Variants in LRIG1 observed in about 807,000 individuals in gnomAD.
LRIG1 encodes the protein leucine-rich repeats and immunoglobulin-like domains protein 1.
Under a neutral mutation model 99.2 loss-of-function variants are expected in LRIG1, and 48 were observed. The ratio of observed to expected loss-of-function variants is 0.48; its 90% CI spans 0.38 to 0.62. LRIG1 has a LOEUF of 0.62. Among genes scored for constraint, LRIG1 ranks in the 20% least tolerant of loss-of-function variants. LRIG1 has a pLI of 0.00. For synonymous variants in LRIG1, 772 were observed against 596.1 expected (o/e 1.29, Z -4.30); for missense variants, 1,646 against 1,434.4 (o/e 1.15, Z -2.38).
At chr3:66,393,436 G>C (rs990971693) in intron 12 of LRIG1, among the ~76,000 whole-genome samples, 1 of 152,230 alleles carries the variant, frequency 6.6e-6, no homozygotes, top group African/African-American at 2.4e-5. Flanking sequence ...TGTGTTTTCA[G>C]CTGTTCAGCA....
chr3:66,454,033 C>A (rs1703992042), intron 2 of LRIG1, among the ~76,000 whole-genome samples: 1 of 152,132 alleles, frequency 6.6e-6, no homozygotes, highest in African/African-American at 2.4e-5. Flanking sequence ...TTAACTGGGC[C>A]TTCTATGTCT....
intron 3 of LRIG1, among the ~76,000 whole-genome samples, chr3:66,446,403 C>CTT (rs1178928806): frequency 4.5e-4 from 58 of 129,144 alleles, no homozygotes; most frequent in African/African-American, 9.2e-4. Flanking sequence ...GCCCACCCGC[C>CTT]TTTTTTTTTT....
chr3:66,412,729 G>T, intron 6 of LRIG1, 142 bp downstream of exon 6: 1 of 919,790 alleles, frequency 1.1e-6, no homozygotes, highest in Non-Finnish European at 1.7e-6. Context: ...ACACCACACA[G>T]CAATGCTGGT....
intron 7 of LRIG1, among the ~76,000 whole-genome samples, chr3:66,408,706 G>A (rs974473223): frequency 5.3e-5 from 8 of 152,122 alleles, no homozygotes; most frequent in African/African-American, 1.9e-4. Context: ...AAAACCAGGA[G>A]TCCCCTGGTG....
chr3:66,477,886 TAGG>T (rs1368313957), intron 1 of LRIG1, among the ~76,000 whole-genome samples: 8 of 151,756 alleles, frequency 5.3e-5, no homozygotes, highest in Non-Finnish European at 1.2e-4. Flanking sequence ...TGCTGTAGGA[TAGG>T]AGGATTACCA....
At chr3:66,498,577 A>C (rs1220618689) in intron 1 of LRIG1, among the ~76,000 whole-genome samples, 5 of 152,174 alleles carry the variant, frequency 3.3e-5, no homozygotes, top group Admixed American at 6.5e-5. Context: ...AAAAAAAAAA[A>C]AAAACTACCG....
intron 11 of LRIG1, 144 bp from the exon 12 acceptor site, chr3:66,394,347 T>G: frequency 1.4e-6 from 1 of 716,052 alleles, no homozygotes; most frequent in South Asian, 2.0e-5. Context: ...TTTCTCACAC[T>G]TCCTCTCCAA....
Position 66,403,563 on chromosome 3 carries a change from G to A in LRIG1, c.1160+1635C>T, listed in dbSNP as rs562794968. Reference sequence around the variant, plus strand: ...CTTGGGCTGACCTCTTGGGGCTCAGGTGGAAGAGCTGAGCCTAGTCCAGCA... The same window carrying A: ...CTTGGGCTGACCTCTTGGGGCTCAGATGGAAGAGCTGAGCCTAGTCCAGCA... On this transcript the variant is annotated intron_variant, in intron 9 of 18. Coordinates refer to ENST00000273261, the MANE Select transcript of LRIG1 (RefSeq NM_015541.3). Among the ~76,000 whole-genome samples, 25 of 152,274 alleles carry A rather than the reference G, an allele frequency of 1.6e-4. No homozygotes were observed. In the South Asian group the frequency reaches 4.8e-3, roughly 29 times the overall value.
chr3:66,402,704 C>G (rs943552919), intron 9 of LRIG1, among the ~76,000 whole-genome samples: 7 of 152,158 alleles, frequency 4.6e-5, no homozygotes, highest in South Asian at 2.1e-4. Flanking sequence ...GCTGCACTCC[C>G]CACAGGACGG....
rs1700377301 is a variant in LRIG1, at chr3:66,462,490, G to A, written c.238C>T (p.Leu80Phe). 1.9e-6 allele frequency: 3 copies of A among 1,612,138 alleles called. No individual in the cohort carries two copies. Among genetic ancestry groups the A allele is most frequent in the Non-Finnish European group, 2.5e-6 (3 of 1,179,064 alleles). Reference sequence around the variant, plus strand: ...AAACCAGCAGGGTCAATCTCAGAGAGTTTGTTGTAACTCAGGTTTCTGGTA... The same window carrying A: ...AAACCAGCAGGGTCAATCTCAGAGAATTTGTTGTAACTCAGGTTTCTGGTA... ...TRSLNLSYNK[L>F]SEIDPAGFED... Residue 80 changes from leucine (L) to phenylalanine (F), a missense_variant, in exon 2 of 19, where the codon CTC becomes TTC. By Grantham distance (22) the Leu-to-Phe change is conservative (BLOSUM62 0). Transcript: ENST00000273261.
At chr3:66,440,725 T>G (rs1163766723) in intron 3 of LRIG1, among the ~76,000 whole-genome samples, 1 of 152,154 alleles carries the variant, frequency 6.6e-6, no homozygotes, top group Non-Finnish European at 1.5e-5. Flanking sequence ...TAACACTCAG[T>G]GCACGTTCAG....
At chr3:66,467,602 G>A (rs909319585) in intron 1 of LRIG1, among the ~76,000 whole-genome samples, 2 of 151,964 alleles carry the variant, frequency 1.3e-5, no homozygotes, top group Non-Finnish European at 2.9e-5. Context: ...ACCTCGTGAT[G>A]TGCCCGCCTC....
intron 1 of LRIG1, among the ~76,000 whole-genome samples, chr3:66,483,766 A>T (rs544616081): frequency 6.6e-6 from 1 of 152,374 alleles, no homozygotes; most frequent in South Asian, 2.1e-4. Flanking sequence ...GCAAAAGAGC[A>T]GATGAGAGAC....
chr3:66,432,357 T>C (rs570316621), intron 3 of LRIG1, among the ~76,000 whole-genome samples: 1 of 152,298 alleles, frequency 6.6e-6, no homozygotes, highest in Non-Finnish European at 1.5e-5. Flanking sequence ...GCCATGGATG[T>C]CCAGGGAGCT....
intron 1 of LRIG1, among the ~76,000 whole-genome samples, chr3:66,493,332 G>C (rs1701147811): frequency 6.6e-6 from 1 of 152,142 alleles, no homozygotes; most frequent in African/African-American, 2.4e-5. Context: ...CTTCCAAAAG[G>C]ATAGTGGTAA....
Position 66,415,074 on chromosome 3 carries a change from T to C in LRIG1, c.504-11A>G. The C allele has an allele frequency of 6.3e-7, 1 of 1,586,820 alleles. No homozygotes were observed. The highest frequency in any genetic ancestry group is 8.6e-7 in the Non-Finnish European group (1 of 1,168,408). ...TTGCCTGCCAGGTTGCTGGAATGAT[T>C]CAGAAAAGAAAATGTGGTGGTTGGT... On this transcript the variant is annotated splice_polypyrimidine_tract_variant and intron_variant, in intron 4 of 18. Transcript: ENST00000273261.
intron 1 of LRIG1, among the ~76,000 whole-genome samples, chr3:66,494,594 C>G (rs749550891): frequency 1.3e-5 from 2 of 152,208 alleles, no homozygotes; most frequent in African/African-American, 2.4e-5. Context: ...GAAGTTATAA[C>G]TTGTGTTTCA....
intron 3 of LRIG1, 135 bp downstream of exon 3, chr3:66,451,424 A>G: frequency 5.9e-6 from 4 of 677,170 alleles, no homozygotes; most frequent in Non-Finnish European, 7.7e-6. Context: ...CATGATCATG[A>G]GGGCCACATG....
At chr3:66,397,042 G>A (rs1007883733) in intron 11 of LRIG1, among the ~76,000 whole-genome samples, 1 of 152,232 alleles carries the variant, frequency 6.6e-6, no homozygotes, top group Non-Finnish European at 1.5e-5. Flanking sequence ...CGGAGCAGCT[G>A]TCTGCAGAGC....
Sources: gnomAD v4.1 joint callset for allele counts (sites outside exome capture counted in the v4.1 genomes callset) on GRCh38, gnomAD v4.1.1 for gene constraint, MANE v1.5 for transcripts, NCBI Gene and HGNC (gene_info 2026-07-23, HGNC 2026-07-21) for gene names.